PAK3: variants seen among roughly 807,000 people sequenced by gnomAD.
The protein encoded by PAK3 is p21 (RAC1) activated kinase 3.
PAK3 carries 4 observed loss-of-function variants against 41.0 expected under a neutral mutation model. The ratio of observed to expected loss-of-function variants is 0.10; its 90% CI spans 0.05 to 0.22. The LOEUF is 0.22. PAK3 is among the 10% of genes least tolerant of loss of function. The probability of loss-of-function intolerance (pLI) is 1.00; values close to 1 mark genes in which losing one functional copy is unlikely to be tolerated. For missense variants in PAK3, 205 were observed against 409.9 expected (o/e 0.50, Z 4.32); for synonymous variants, 146 against 139.6 (o/e 1.05, Z -0.32).
intron 1 of PAK3, among the ~76,000 whole-genome samples, chrX:111,072,657 T>A (rs886712208): frequency 1.1e-4 from 12 of 112,403 alleles, no homozygotes; most frequent in African/African-American, 3.6e-4. Flanking sequence ...TTTCTTGAGA[T>A]AATCTGCAGA....
At position 110,949,829 on chromosome X, in the gene PAK3, G is replaced by A. The variant is rs773547922; in HGVS notation, c.-28+5201G>A. Among the ~76,000 whole-genome samples the A allele has an allele frequency of 8.1e-5, 9 of 111,737 alleles. 1 individual carries two copies. The highest frequency in any genetic ancestry group is 1.5e-4 in the Non-Finnish European group (8 of 53,104). ...CAACCTTATGAAAGAAAGTGAAGTGGGGAAGCTAGGCAGGTGGGAAATTTG... is the reference window on the plus strand; with the variant it reads ...CAACCTTATGAAAGAAAGTGAAGTGAGGAAGCTAGGCAGGTGGGAAATTTG... On this transcript the variant is annotated intron_variant, in intron 1 of 14. Coordinates refer to the PAK3 transcript ENST00000425146.
chrX:111,014,871 G>C (rs2092065387), intron 1 of PAK3, among the ~76,000 whole-genome samples: 1 of 111,385 alleles, frequency 9.0e-6, no homozygotes. Context: ...GAACAAAAGA[G>C]AAGCAGCCCA....
chrX:111,217,074 G>T, intron 17 of PAK3: 1 of 723,865 alleles, frequency 1.4e-6, no homozygotes, highest in South Asian at 7.1e-5. Flanking sequence ...GGCTCCCAGG[G>T]ATTAGTATAC....
At chrX:111,003,387 C>T (rs1354350180) in intron 1 of PAK3, among the ~76,000 whole-genome samples, 3 of 111,207 alleles carry the variant, frequency 2.7e-5, no homozygotes, top group East Asian at 5.7e-4. Context: ...CCCTGCACCT[C>T]GGGGAAACTG....
At chrX:111,208,967 G>A (rs915099331) in intron 16 of PAK3, among the ~76,000 whole-genome samples, 1 of 109,474 alleles carries the variant, frequency 9.1e-6, no homozygotes, top group Non-Finnish European at 1.9e-5. Flanking sequence ...GTACTAGACA[G>A]TGGGCAATAT....
chrX:111,103,177 C>G lies in PAK3; in HGVS notation c.-157C>G, dbSNP rs1305219215. 1.8e-5 allele frequency: 2 copies of G among 111,865 alleles called. No homozygotes were observed. The highest frequency in any genetic ancestry group is 6.5e-5 in the African/African-American group (2 of 30,714). The allele number at this position is 111,865 out of a possible 1,213,427, so 9.2% of individuals were successfully genotyped here. On this transcript the variant is annotated 5_prime_UTR_variant, in exon 4 of 18. Transcript: ENST00000372007. ...TCAGCAGGTTTCCCCCAAGAAAGAG[C>G]AGCTGAGTCCTTGCATCTTGTGGCA...
At chrX:111,091,797 AAGG>A (rs1487258195), upstream of PAK3, among the ~76,000 whole-genome samples, 1 of 112,164 alleles carries the variant, frequency 8.9e-6, no homozygotes. Flanking sequence ...GCCCTGAGTG[AAGG>A]AGGAGTAGGC....
Position 111,074,747 on chromosome X carries a change from G to T in PAK3, c.-27-48330G>T, listed in dbSNP as rs186994025. On this transcript the variant is annotated intron_variant, in intron 1 of 14. Transcript: ENST00000425146. Reference sequence around the variant, plus strand: ...AAGACAGAAAGATTAGGGAAATTTTGGAACTTCTTAGAGACTCATTAAATG... The same window carrying T: ...AAGACAGAAAGATTAGGGAAATTTTTGAACTTCTTAGAGACTCATTAAATG... 6.1e-3 allele frequency among the ~76,000 whole-genome samples: 679 copies of T among 112,170 alleles called. 4 individuals carry two copies. The highest frequency in any genetic ancestry group is 9.1e-3 in the Non-Finnish European group (487 of 53,247).
chrX:111,006,849 C>CTTT (rs1186032934), intron 1 of PAK3, among the ~76,000 whole-genome samples: 2 of 42,690 alleles, frequency 4.7e-5, no homozygotes, highest in African/African-American at 1.5e-4. Flanking sequence ...TTCTTTCTTT[C>CTTT]TTTTTTTTTT....
At chrX:111,135,342 G>A (rs746344618) in intron 5 of PAK3, among the ~76,000 whole-genome samples, 1 of 111,608 alleles carries the variant, frequency 9.0e-6, no homozygotes, top group Non-Finnish European at 1.9e-5. Flanking sequence ...GAAATAATTA[G>A]GCTTGATTTT....
intron 1 of PAK3, among the ~76,000 whole-genome samples, chrX:111,009,827 A>G (rs1392954117): frequency 8.9e-6 from 1 of 112,029 alleles, no homozygotes; most frequent in African/African-American, 3.2e-5. Context: ...AATCCTTACA[A>G]TGACTCTAGG....
At chrX:110,962,928 G>C (rs1488129468) in intron 1 of PAK3, among the ~76,000 whole-genome samples, 2 of 111,711 alleles carry the variant, frequency 1.8e-5, no homozygotes, top group African/African-American at 6.5e-5. Context: ...TATTCGTTTG[G>C]TTGCAAGGCC....
At chrX:110,977,373 A>C (rs1330311524) in intron 1 of PAK3, among the ~76,000 whole-genome samples, 1 of 110,763 alleles carries the variant, frequency 9.0e-6, no homozygotes, top group African/African-American at 3.3e-5. Context: ...ATTTGGGGTA[A>C]CTTGCATTTC....
chrX:111,115,064 C>A (rs2093438814), intron 4 of PAK3, among the ~76,000 whole-genome samples: 1 of 112,227 alleles, frequency 8.9e-6, no homozygotes, highest in African/African-American at 3.2e-5. Context: ...AGGCACACAG[C>A]AGTCTTTGCT....
At chrX:111,063,972 A>G (rs777516137) in intron 1 of PAK3, among the ~76,000 whole-genome samples, 1 of 112,007 alleles carries the variant, frequency 8.9e-6, no homozygotes, top group Admixed American at 9.5e-5. Context: ...CCCCTGAATA[A>G]CTACAAAATT....
intron 1 of PAK3, among the ~76,000 whole-genome samples, chrX:111,008,662 G>A (rs2091968342): frequency 8.9e-6 from 1 of 112,482 alleles, no homozygotes; most frequent in South Asian, 3.7e-4. Context: ...AGCAACTCCT[G>A]GATCTTCTCT....
intron 1 of PAK3, among the ~76,000 whole-genome samples, chrX:111,045,993 T>C (rs1160389997): frequency 8.9e-6 from 1 of 111,782 alleles, no homozygotes; most frequent in African/African-American, 3.3e-5. Flanking sequence ...CATTTACTGA[T>C]CTAAGTTTCA....
Position 111,144,879 on chromosome X carries a change from C to G in PAK3, c.276+2683C>G, listed in dbSNP as rs745535726. 10 of 1,153,671 alleles carry G rather than the reference C, an allele frequency of 8.7e-6. No individual in the cohort carries two copies. Among genetic ancestry groups the G allele is most frequent in the Non-Finnish European group, 1.2e-5 (10 of 851,162 alleles). ...CTTCAGAACTCCCCTTTCCAGACCT[C>G]TAGACCTGTGACGGTCGCTTCAAGT... On this transcript the variant is annotated intron_variant, in intron 6 of 17. Transcript: ENST00000372007.
At chrX:110,994,058 G>A (rs2091698450) in intron 1 of PAK3, among the ~76,000 whole-genome samples, 2 of 111,841 alleles carry the variant, frequency 1.8e-5, no homozygotes, top group South Asian at 7.5e-4. Flanking sequence ...CTTTTCTTTG[G>A]ATGTTTCATA....
Sources: gnomAD v4.1 joint callset for allele counts (sites outside exome capture counted in the v4.1 genomes callset) on GRCh38, gnomAD v4.1.1 for gene constraint, MANE v1.5 for transcripts, NCBI Gene and HGNC (gene_info 2026-07-23, HGNC 2026-07-21) for gene names.